ADCY5: variants seen among roughly 807,000 people sequenced by gnomAD.
ADCY5 encodes the protein adenylate cyclase type 5.
A neutral mutation model predicts 119.7 loss-of-function variants in ADCY5; 30 were observed. The ratio of observed to expected loss-of-function variants is 0.25; its 90% CI spans 0.19 to 0.34. ADCY5 has a LOEUF of 0.34. Among genes scored for constraint, ADCY5 ranks in the 10% least tolerant of loss-of-function variants. The probability of loss-of-function intolerance (pLI) is 1.00; values close to 1 mark genes in which losing one functional copy is unlikely to be tolerated. For synonymous variants in ADCY5, 753 were observed against 762.2 expected (o/e 0.99, Z 0.20); for missense variants, 1,324 against 1,775.2 (o/e 0.75, Z 4.57).
At chr3:123,294,480 G>C (rs142893277) in intron 17 of ADCY5, among the ~76,000 whole-genome samples, 5 of 152,362 alleles carry the variant, frequency 3.3e-5, no homozygotes, top group African/African-American at 1.2e-4. Context: ...TGGTGGGATG[G>C]GTCAACACGG....
intron 13 of ADCY5, among the ~76,000 whole-genome samples, 174 bp downstream of exon 13, chr3:123,303,893 G>GAAGAGAAGAGAAGAGA (rs746945989): frequency 8.5e-6 from 1 of 117,184 alleles, no homozygotes; most frequent in Non-Finnish European, 1.7e-5. Flanking sequence ...GAAGAGAAGA[G>GAAGAGAAGAGAAGAGA]AAGAAAGAAC....
intron 14 of ADCY5, among the ~76,000 whole-genome samples, chr3:123,301,400 G>A (rs2108255706): frequency 6.6e-6 from 1 of 152,312 alleles, no homozygotes; most frequent in African/African-American, 2.4e-5. Context: ...GCAGAAGAGG[G>A]AATGAGAAGG....
intron 1 of ADCY5, among the ~76,000 whole-genome samples, chr3:123,386,800 TC>T (rs987933226): frequency 4.6e-5 from 7 of 152,186 alleles, no homozygotes; most frequent in Non-Finnish European, 8.8e-5. Context: ...CCACCCCGTT[TC>T]CTGTAACTTC....
chr3:123,314,471 C>T (rs1576559075), intron 11 of ADCY5, 149 bp from the exon 12 acceptor site: 9 of 640,270 alleles, frequency 1.4e-5, no homozygotes, highest in East Asian at 2.8e-5. Context: ...AGAGAGGGAA[C>T]CTGAAGTTGC....
chr3:123,432,731 A>T (rs1283071279), intron 1 of ADCY5, among the ~76,000 whole-genome samples: 1 of 152,026 alleles, frequency 6.6e-6, no homozygotes, highest in Non-Finnish European at 1.5e-5. Context: ...CTTGCTATGT[A>T]GCCCAGGCTG....
chr3:123,407,262 C>T (rs543656860), intron 1 of ADCY5, among the ~76,000 whole-genome samples: 2 of 152,170 alleles, frequency 1.3e-5, no homozygotes, highest in Admixed American at 1.3e-4. Flanking sequence ...GTGCACACCC[C>T]TCTCCTGAGA....
Position 123,328,547 on chromosome 3 carries a change from C to G in ADCY5, c.1805+97G>C, listed in dbSNP as rs1177468449. 2.8e-6 allele frequency: 4 copies of G among 1,451,122 alleles called. No homozygotes were observed. The Admixed American group carries it at 7.1e-5, about 26-fold the overall frequency. 89.9% of individuals were successfully genotyped at this position (1,451,122 alleles called of 1,614,324 possible). A position where few individuals can be genotyped will look rare whatever the true frequency, so the allele number is the denominator to read the frequency against. On this transcript the variant is annotated intron_variant, in intron 6 of 20. Coordinates refer to ENST00000462833, the MANE Select transcript of ADCY5 (RefSeq NM_183357.3). ...TGCTTGCTGCCCATCCTGCCCACCC[C>G]ACCCTGCCCCGCCTCGCCTCTGCAG...
rs1033085062 is a variant in ADCY5 at position 123,420,618 on chromosome 3, C to T, written c.1134+26794G>A. On this transcript the variant is annotated intron_variant, in intron 1 of 20. Transcript: ENST00000462833. ...AGAGGCTTGAGGCCAGCCAAAGCCT[C>T]GCCACCCCGGTCTGCTCAGTTCTGA... is the stretch of plus-strand genomic sequence containing the variant. Among the ~76,000 whole-genome samples, 4 of 152,128 alleles carry T rather than the reference C, an allele frequency of 2.6e-5. No individual in the cohort carries two copies. The South Asian group carries it at 6.2e-4, about 24-fold the overall frequency.
intron 1 of ADCY5, among the ~76,000 whole-genome samples, chr3:123,357,328 C>CT (rs979913372): frequency 6.6e-6 from 1 of 152,046 alleles, no homozygotes; most frequent in Admixed American, 6.5e-5. Flanking sequence ...GTGGCCTTCC[C>CT]TCTTTCTGAG....
intron 18 of ADCY5, among the ~76,000 whole-genome samples, chr3:123,290,389 G>A (rs779363284): frequency 2.0e-5 from 3 of 152,118 alleles, no homozygotes; most frequent in Non-Finnish European, 2.9e-5. Context: ...CCACTGCCCC[G>A]GGAGTCTTGC....
intron 11 of ADCY5, among the ~76,000 whole-genome samples, chr3:123,315,415 C>G (rs1469696454): frequency 2.0e-5 from 3 of 152,184 alleles, no homozygotes; most frequent in Admixed American, 2.0e-4. Context: ...GTCTAAGCCA[C>G]TTGGAGCTGT....
At position 123,319,660 on chromosome 3, in the gene ADCY5, C is replaced by T; in HGVS notation, c.2256+14G>A. On this transcript the variant is annotated intron_variant, in intron 10 of 20. Transcript: ENST00000462833. The stretch of plus-strand genomic sequence containing the variant: ...TTCAGCACAGGGGCCTCCTTCCCAC[C>T]CAGGGTGCTGTACCTTCTTCTCTAA... 1 of 1,613,148 alleles carries T rather than the reference C, an allele frequency of 6.2e-7. No homozygotes were observed.
chr3:123,430,539 GCA>G (rs1382089362), intron 1 of ADCY5, among the ~76,000 whole-genome samples: 2 of 152,216 alleles, frequency 1.3e-5, no homozygotes, highest in African/African-American at 4.8e-5. Flanking sequence ...GCAACACCCC[GCA>G]CGGGGAAGAT....
At chr3:123,325,541 T>C in intron 7 of ADCY5, 79 bp from the exon 8 acceptor site, 6 of 1,578,206 alleles carry the variant, frequency 3.8e-6, no homozygotes, top group Non-Finnish European at 5.2e-6. Context: ...ACATCGTACC[T>C]GGCCAGGTAA....
intron 12 of ADCY5, among the ~76,000 whole-genome samples, chr3:123,306,502 CCAAT>C (rs1197717055): frequency 6.6e-6 from 1 of 151,970 alleles, no homozygotes; most frequent in Non-Finnish European, 1.5e-5. Context: ...ACCAAAAGCA[CCAAT>C]CAAAAAAGAA....
At chr3:123,333,908 G>C (rs532518804) in intron 3 of ADCY5, among the ~76,000 whole-genome samples, 20 of 152,144 alleles carry the variant, frequency 1.3e-4, no homozygotes, top group Non-Finnish European at 5.9e-5. Context: ...AGAGACCCAG[G>C]GAGGAGAAAG....
chr3:123,289,006 C>T (rs185333113), intron 19 of ADCY5, among the ~76,000 whole-genome samples: 139 of 152,294 alleles, frequency 9.1e-4, no homozygotes, highest in African/African-American at 3.3e-3. Context: ...TTGCTCACCA[C>T]CTCAACTCAA....
In ADCY5 at chr3:123,320,769, G is replaced by A. The variant is rs1385394303; in HGVS notation, c.2091C>T (p.Gly697=). ...CTCACTTGTCCTTGGGGTCTTCAAAGCCCTAGAAGAGAAGGATAGAAAGAG... is the reference window on the plus strand; with the variant it reads ...CTCACTTGTCCTTGGGGTCTTCAAAACCCTAGAAGAGAAGGATAGAAAGAG... ...NQVSKEMKRM[G]FEDPKDKNAQ... The change falls in exon 9 of 21, where the codon GGC becomes GGT. Residue 697 remains glycine (G), a splice_region_variant and synonymous_variant. Coordinates refer to ENST00000462833, the MANE Select transcript of ADCY5 (RefSeq NM_183357.3). 6.2e-7 allele frequency: 1 copy of A among 1,606,116 alleles called. No homozygotes were observed. Among genetic ancestry groups the A allele is most frequent in the Admixed American group, 1.7e-5 (1 of 59,848 alleles).
chr3:123,363,172 G>GAA (rs1943318523), intron 1 of ADCY5, among the ~76,000 whole-genome samples: 1 of 96,956 alleles, frequency 1.0e-5, no homozygotes, highest in Admixed American at 9.7e-5. Context: ...AGGAATTGAA[G>GAA]AACAAAAAAA....
Sources: gnomAD v4.1 joint callset for allele counts (sites outside exome capture counted in the v4.1 genomes callset) on GRCh38, gnomAD v4.1.1 for gene constraint, MANE v1.5 for transcripts, NCBI Gene and HGNC (gene_info 2026-07-23, HGNC 2026-07-21) for gene names.